Variants in LPP observed in about 807,000 individuals in gnomAD.
LPP encodes the protein lipoma-preferred partner.
Under a neutral mutation model 60.4 loss-of-function variants are expected in LPP, and 38 were observed. That is an observed-to-expected ratio of 0.63 (90% CI 0.49 to 0.83). LPP has a LOEUF of 0.83. LPP is among the 40% of genes least tolerant of loss of function. The pLI, the probability that LPP is intolerant of heterozygous loss-of-function variation, is 0.00. For synonymous variants in LPP, 328 were observed against 290.8 expected (o/e 1.13, Z -1.30); for missense variants, 902 against 783.6 (o/e 1.15, Z -1.80).
intron 8 of LPP, chr3:188,709,603 C>G (rs1485373551): frequency 6.6e-6 from 1 of 152,064 alleles, no homozygotes; most frequent in South Asian, 2.1e-4. Flanking sequence ...GTGATCCACC[C>G]GCCTCAGCCT....
intron 6 of LPP, among the ~76,000 whole-genome samples, chr3:188,605,686 C>T (rs943892132): frequency 2.0e-5 from 3 of 152,050 alleles, no homozygotes; most frequent in East Asian, 1.9e-4. Context: ...CATTATTCAG[C>T]GGCTATTGAG....
At chr3:188,852,685 C>G (rs1416324752) in intron 9 of LPP, among the ~76,000 whole-genome samples, 1 of 152,186 alleles carries the variant, frequency 6.6e-6, no homozygotes, top group Non-Finnish European at 1.5e-5. Flanking sequence ...GCACCATGAT[C>G]TTGGACTTCC....
chr3:188,386,890 G>A (rs76553268), intron 3 of LPP, among the ~76,000 whole-genome samples: 1,539 of 152,188 alleles, frequency 0.01, 30 homozygotes, highest in African/African-American at 0.035. Context: ...TATTTATAAT[G>A]TACGAAGACA....
At chr3:188,486,785 T>C (rs1431301983) in intron 5 of LPP, among the ~76,000 whole-genome samples, 1 of 152,250 alleles carries the variant, frequency 6.6e-6, no homozygotes, top group East Asian at 1.9e-4. Flanking sequence ...TAAAATCAAC[T>C]ATCAGATGCC....
intron 2 of LPP, among the ~76,000 whole-genome samples, chr3:188,240,826 G>C (rs553545302): frequency 6.6e-6 from 1 of 152,258 alleles, no homozygotes; most frequent in African/African-American, 2.4e-5. Context: ...CACGAGCAGA[G>C]ATCAGAGACA....
intron 7 of LPP, among the ~76,000 whole-genome samples, chr3:188,663,548 C>G (rs1169333259): frequency 1.3e-5 from 2 of 152,112 alleles, no homozygotes. Context: ...GGTAGAGTGG[C>G]TATTAAATTC....
At chr3:188,408,039 C>T (rs745498633) in intron 4 of LPP, among the ~76,000 whole-genome samples, 6 of 152,050 alleles carry the variant, frequency 3.9e-5, no homozygotes, top group Admixed American at 6.5e-5. Context: ...CTGCCAGCCT[C>T]GGCTTCCCAA....
rs1021113267 is a variant in LPP, at chr3:188,730,500, A to C, written c.1240+22107A>C. Among the ~76,000 whole-genome samples, 10 of 152,246 alleles carry C rather than the reference A, an allele frequency of 6.6e-5. 1 individual carries two copies. Among genetic ancestry groups the C allele is most frequent in the African/African-American group, 1.9e-4 (8 of 41,466 alleles). ...CTCACTTGTAAGTGGAGAAACACTA[A>C]TAGGAAAATATTCTGGGAATCTGGT... On this transcript the variant is annotated intron_variant, in intron 8 of 11. Transcript: ENST00000617246.
chr3:188,286,908 T>C (rs992932790), intron 2 of LPP, among the ~76,000 whole-genome samples: 28 of 152,168 alleles, frequency 1.8e-4, no homozygotes, highest in African/African-American at 6.8e-4. Flanking sequence ...TGTTTATTTT[T>C]TATATTTTTG....
chr3:188,463,178 A>G (rs1292879984), intron 4 of LPP, among the ~76,000 whole-genome samples: 3 of 152,032 alleles, frequency 2.0e-5, no homozygotes, highest in African/African-American at 7.3e-5. Flanking sequence ...ATATGTATGA[A>G]CGTGTGGGGT....
rs1268670995 is a variant in LPP, at chr3:188,882,917, CTT to C, written c.*8441_*8442del. The C allele has an allele frequency of 5.5e-6, 1 of 181,682 alleles. No homozygotes were observed. Among genetic ancestry groups the C allele is most frequent in the African/African-American group, 2.4e-5 (1 of 42,362 alleles). 11.3% of individuals were successfully genotyped at this position (181,682 alleles called of 1,614,324 possible). ...CCGCGCCCAGCTAATTTTTTTTGTA[CTT>C]TTAGTAGAGACGGGGTTTCACCGTG... On this transcript the variant is annotated 3_prime_UTR_variant, in exon 12 of 12. Transcript: ENST00000617246.
At chr3:188,734,869 G>C (rs573802969) in intron 8 of LPP, among the ~76,000 whole-genome samples, 1 of 152,188 alleles carries the variant, frequency 6.6e-6, no homozygotes, top group African/African-American at 2.4e-5. Context: ...ATGGTCAAGA[G>C]CCTGAGGGTA....
rs192065868 is a variant in LPP, at chr3:188,610,004, G to C, written c.1113+160G>C. On this transcript the variant is annotated intron_variant, in intron 7 of 11. Coordinates refer to ENST00000617246, the MANE Select transcript of LPP (RefSeq NM_001375462.1). This position sits in a 1 kb window ranked among gnomAD's most constrained non-coding sequence, Gnocchi z 4.4. ...TGAGTGAAGCCAGAGAGGAGAGAGA[G>C]ACTACTTAGTATGTTACTAATATGG... Among the ~76,000 whole-genome samples the C allele has an allele frequency of 1.3e-5, 2 of 152,244 alleles. No homozygotes were observed. The highest frequency in any genetic ancestry group is 2.9e-5 in the Non-Finnish European group (2 of 68,012).
chr3:188,813,847 A>C (rs1001001626), intron 9 of LPP, among the ~76,000 whole-genome samples: 3 of 152,148 alleles, frequency 2.0e-5, no homozygotes, highest in Non-Finnish European at 1.5e-5. Flanking sequence ...AAGTGGGCAA[A>C]TCACCTGAGG....
At chr3:188,753,613 G>GTGTGTGTGTA (rs1293477619) in intron 8 of LPP, among the ~76,000 whole-genome samples, 8 of 149,450 alleles carry the variant, frequency 5.4e-5, no homozygotes, top group African/African-American at 2.0e-4. Context: ...GTGTGTGTGT[G>GTGTGTGTGTA]TGTTTTGTTT....
intron 6 of LPP, among the ~76,000 whole-genome samples, chr3:188,591,948 G>T (rs1838807745): frequency 6.6e-6 from 1 of 152,152 alleles, no homozygotes; most frequent in African/African-American, 2.4e-5. Flanking sequence ...AAGATTATCT[G>T]ATACACATGA....
intron 7 of LPP, among the ~76,000 whole-genome samples, chr3:188,644,730 C>G (rs1398705922): frequency 2.0e-5 from 3 of 152,054 alleles, no homozygotes; most frequent in African/African-American, 7.2e-5. Context: ...AAAAAAGAAT[C>G]TATGCTGAGA....
chr3:188,804,284 A>ATATATAT (rs1367742182), intron 9 of LPP, among the ~76,000 whole-genome samples: 2 of 39,878 alleles, frequency 5.0e-5, no homozygotes, highest in African/African-American at 9.3e-5. Context: ...TATATATATA[A>ATATATAT]AATGGAATAC....
At chr3:188,673,116 T>C (rs1017837834) in intron 7 of LPP, among the ~76,000 whole-genome samples, 11 of 152,310 alleles carry the variant, frequency 7.2e-5, no homozygotes, top group African/African-American at 2.6e-4. Flanking sequence ...GGTTATATGC[T>C]TTGAAGGAGT....
Sources: gnomAD v4.1 joint callset for allele counts (sites outside exome capture counted in the v4.1 genomes callset) on GRCh38, gnomAD v4.1.1 for gene constraint, Gnocchi (gnomAD v3.1) non-coding constraint, MANE v1.5 for transcripts, NCBI Gene and HGNC (gene_info 2026-07-23, HGNC 2026-07-21) for gene names.